TTLL11: variants seen among roughly 807,000 people sequenced by gnomAD.
TTLL11 encodes tubulin tyrosine ligase like 11, also known as tubulin polyglutamylase TTLL11.
In TTLL11, 42 loss-of-function variants were observed where a neutral mutation model predicts 51.7. That is an observed-to-expected ratio of 0.81 (90% CI 0.64 to 1.05). The LOEUF (loss-of-function observed/expected upper bound fraction) is 1.05, where lower values mean the gene tolerates loss of function less well. Ranked by LOEUF, TTLL11 falls within the 50% of genes least tolerant of loss-of-function variation. The pLI, the probability that TTLL11 is intolerant of heterozygous loss-of-function variation, is 0.00. For synonymous variants in TTLL11, 381 were observed against 383.5 expected (o/e 0.99, Z 0.08); for missense variants, 799 against 940.4 (o/e 0.85, Z 1.97).
intron 1 of TTLL11, among the ~76,000 whole-genome samples, chr9:122,087,356 A>T (rs1406110232): frequency 6.6e-6 from 1 of 152,130 alleles, no homozygotes; most frequent in Non-Finnish European, 1.5e-5. Context: ...TCACGAGCAT[A>T]AAACAGTACA....
At chr9:121,954,132 G>A (rs1042647931) in intron 6 of TTLL11, among the ~76,000 whole-genome samples, 3 of 152,182 alleles carry the variant, frequency 2.0e-5, no homozygotes, top group Non-Finnish European at 4.4e-5. Flanking sequence ...GCTAGAACCC[G>A]GGTCTCCCAA....
intron 8 of TTLL11, among the ~76,000 whole-genome samples, chr9:121,829,018 C>G (rs952453077): frequency 2.0e-5 from 3 of 151,516 alleles, no homozygotes; most frequent in Non-Finnish European, 4.4e-5. Context: ...AGTGCAGTGG[C>G]ATGATCTTGG....
chr9:122,033,144 C>T (rs1844602351), intron 2 of TTLL11, among the ~76,000 whole-genome samples: 1 of 152,056 alleles, frequency 6.6e-6, no homozygotes, highest in South Asian at 2.1e-4. Context: ...CAGAGTTTCG[C>T]TCTTGTTGCC....
At chr9:121,936,785 C>T (rs1347955710) in intron 6 of TTLL11, among the ~76,000 whole-genome samples, 1 of 152,162 alleles carries the variant, frequency 6.6e-6, no homozygotes, top group Non-Finnish European at 1.5e-5. Context: ...ATAAAACATA[C>T]ATTTTAAAAT....
rs376500729 is a variant in TTLL11 at position 121,860,723 on chromosome 9, G to A, written c.1734-280C>T. Among the ~76,000 whole-genome samples, 34 of 152,312 alleles carry A rather than the reference G, an allele frequency of 2.2e-4. No homozygotes were observed. In the Middle Eastern group the frequency reaches 0.01, roughly 46 times the overall value. On this transcript the variant is annotated intron_variant, in intron 7 of 8. Transcript: ENST00000321582. ...CATGTGAACATAGAAGAAGGCAGCC[G>A]TCTGCAAACCAGGAATTGGGTCCTC... is the stretch of plus-strand genomic sequence containing the variant.
At chr9:122,010,227 G>A (rs1275500346) in intron 3 of TTLL11, among the ~76,000 whole-genome samples, 2 of 152,134 alleles carry the variant, frequency 1.3e-5, no homozygotes, top group African/African-American at 4.8e-5. Flanking sequence ...GACACACAAT[G>A]AAAGTTGTAT....
intron 8 of TTLL11, among the ~76,000 whole-genome samples, chr9:121,849,468 C>T (rs1393287286): frequency 6.6e-6 from 1 of 151,922 alleles, no homozygotes; most frequent in Admixed American, 6.5e-5. Flanking sequence ...ATGAGATAAG[C>T]CACAGACTGG....
In TTLL11 at chr9:121,974,906, A is replaced by AT; in HGVS notation, c.1342dup (p.Met448AsnfsTer6). 3 of 1,545,684 alleles carry AT rather than the reference A, an allele frequency of 1.9e-6. No individual in the cohort carries two copies. Among genetic ancestry groups the AT allele is most frequent in the Non-Finnish European group, 2.6e-6 (3 of 1,145,714 alleles). ...TACTTCGTGCTCATGTTCGATTCTC[A>AT]TACTGGGATTTGCATTTACTTCAAG... On this transcript the variant is annotated frameshift_variant, in exon 5 of 9. Coordinates refer to ENST00000321582, the MANE Select transcript of TTLL11 (RefSeq NM_001139442.2). LOFTEE classifies it high-confidence loss of function.
intron 5 of TTLL11, among the ~76,000 whole-genome samples, chr9:121,974,432 C>T (rs565330998): frequency 6.6e-6 from 1 of 152,196 alleles, no homozygotes; most frequent in East Asian, 1.9e-4. Flanking sequence ...CCTCTCTAAA[C>T]CCAATATTGA....
chr9:121,920,623 G>A (rs948469805), intron 6 of TTLL11, among the ~76,000 whole-genome samples: 2 of 152,172 alleles, frequency 1.3e-5, no homozygotes, highest in Admixed American at 6.5e-5. Flanking sequence ...AATAAGCTTC[G>A]TACCTGAAGA....
chr9:122,072,970 A>G (rs548247422), intron 1 of TTLL11, among the ~76,000 whole-genome samples: 1 of 152,278 alleles, frequency 6.6e-6, no homozygotes, highest in African/African-American at 2.4e-5. Flanking sequence ...GGCTTAGAAA[A>G]TGTTTGAGGA....
At chr9:121,983,331 T>C (rs1842866750) in intron 4 of TTLL11, among the ~76,000 whole-genome samples, 1 of 152,170 alleles carries the variant, frequency 6.6e-6, no homozygotes, top group African/African-American at 2.4e-5. Flanking sequence ...GGCTATTAAC[T>C]ATCCAAGTAG....
rs561062893 is a variant in TTLL11 at position 121,972,601 on chromosome 9, G to A, written c.1481+1408C>T. ...CTCTTGACAAGAACTCAGCCGGGCC[G>A]GCGCCATCCAGCCTGACTCAGACTA... is the stretch of plus-strand genomic sequence containing the variant. On this transcript the variant is annotated intron_variant, in intron 6 of 8. Transcript: ENST00000321582. Among the ~76,000 whole-genome samples the A allele has an allele frequency of 2.7e-4, 41 of 152,340 alleles. 1 individual carries two copies. The highest frequency in any genetic ancestry group is 1.6e-3 in the Admixed American group (25 of 15,298).
At chr9:121,935,495 T>G (rs13295355) in intron 6 of TTLL11, among the ~76,000 whole-genome samples, 1 of 151,824 alleles carries the variant, frequency 6.6e-6, no homozygotes, top group Non-Finnish European at 1.5e-5. Flanking sequence ...GCATTTAAAA[T>G]TTTTAAAAAA....
At chr9:121,848,203 T>C in intron 8 of TTLL11, among the ~76,000 whole-genome samples, 1 of 145,920 alleles carries the variant, frequency 6.9e-6, no homozygotes, top group African/African-American at 2.6e-5. Context: ...CAAGACCCTA[T>C]CGCTAAGGAA....
intron 1 of TTLL11, among the ~76,000 whole-genome samples, chr9:122,087,645 C>A (rs769281922): frequency 6.6e-6 from 1 of 152,182 alleles, no homozygotes; most frequent in African/African-American, 2.4e-5. Context: ...CACATAAACA[C>A]AACCTACATC....
At chr9:122,014,927 C>T (rs575063261) in intron 3 of TTLL11, among the ~76,000 whole-genome samples, 17 of 152,206 alleles carry the variant, frequency 1.1e-4, no homozygotes, top group African/African-American at 2.2e-4. Context: ...TTTGTATCCA[C>T]AGCACTTGGC....
intron 3 of TTLL11, among the ~76,000 whole-genome samples, chr9:122,014,755 T>C (rs1403634496): frequency 1.3e-5 from 2 of 152,170 alleles, no homozygotes; most frequent in Non-Finnish European, 2.9e-5. Context: ...GGCCAGTTAC[T>C]CAACCCTCTG....
At chr9:121,872,686 T>G (rs1838396773) in intron 6 of TTLL11, among the ~76,000 whole-genome samples, 1 of 152,206 alleles carries the variant, frequency 6.6e-6, no homozygotes, top group African/African-American at 2.4e-5. Flanking sequence ...CTGGAAGGCC[T>G]ATTCCCGGTT....
Sources: gnomAD v4.1 joint callset for allele counts (sites outside exome capture counted in the v4.1 genomes callset) on GRCh38, gnomAD v4.1.1 for gene constraint, MANE v1.5 for transcripts, NCBI Gene and HGNC (gene_info 2026-07-23, HGNC 2026-07-21) for gene names.